Variants in CNTNAP2 observed in about 807,000 individuals in gnomAD.
CNTNAP2 encodes contactin-associated protein-like 2.
In CNTNAP2, 98 loss-of-function variants were observed where a neutral mutation model predicts 155.2. The ratio of observed to expected loss-of-function variants is 0.63; its 90% CI spans 0.54 to 0.75. The LOEUF is 0.75. CNTNAP2 is among the 30% of genes least tolerant of loss of function. CNTNAP2 has a pLI of 0.00. For synonymous variants in CNTNAP2, 651 were observed against 631.2 expected (o/e 1.03, Z -0.47); for missense variants, 1,727 against 1,688.1 (o/e 1.02, Z -0.40).
intron 21 of CNTNAP2, among the ~76,000 whole-genome samples, chr7:148,285,997 A>G (rs936617468): frequency 1.5e-4 from 23 of 152,270 alleles, no homozygotes; most frequent in African/African-American, 5.3e-4. Flanking sequence ...ATAATAAATT[A>G]AGCTAGAGAA....
At chr7:148,395,128 C>A (rs886971) in intron 22 of CNTNAP2, among the ~76,000 whole-genome samples, 1 of 143,158 alleles carries the variant, frequency 7.0e-6, no homozygotes, top group South Asian at 2.4e-4. Flanking sequence ...GACCCCCCCC[C>A]CTTATTGATT....
At chr7:146,384,116 C>T (rs988062497) in intron 1 of CNTNAP2, among the ~76,000 whole-genome samples, 1 of 152,130 alleles carries the variant, frequency 6.6e-6, no homozygotes, top group Non-Finnish European at 1.5e-5. Flanking sequence ...AAAGAAATTT[C>T]TGAAATTCAC....
chr7:146,186,836 A>G (rs1250293740), intron 1 of CNTNAP2, among the ~76,000 whole-genome samples: 1 of 152,102 alleles, frequency 6.6e-6, no homozygotes, highest in Non-Finnish European at 1.5e-5. Flanking sequence ...GAATGTTTTC[A>G]TGTGGTTCAT....
chr7:147,065,099 TAA>T (rs1282547195), intron 4 of CNTNAP2, among the ~76,000 whole-genome samples: 1 of 152,210 alleles, frequency 6.6e-6, no homozygotes, highest in African/African-American at 2.4e-5. Context: ...AAATCTACTG[TAA>T]TATAAAGCCC....
chr7:146,676,128 A>G (rs1273936852), intron 1 of CNTNAP2, among the ~76,000 whole-genome samples: 23 of 152,190 alleles, frequency 1.5e-4, no homozygotes, highest in Admixed American at 1.5e-3. Context: ...TTTTATGAGA[A>G]ACATTCTTCA....
chr7:148,388,193 T>C (rs970584975), intron 22 of CNTNAP2, among the ~76,000 whole-genome samples: 4 of 152,164 alleles, frequency 2.6e-5, no homozygotes, highest in Non-Finnish European at 5.9e-5. Flanking sequence ...GTGCACATTG[T>C]GCAGGTTAGT....
chr7:148,383,464 G>T (rs573126919), intron 21 of CNTNAP2, among the ~76,000 whole-genome samples, 185 bp from the exon 22 acceptor site: 6 of 152,054 alleles, frequency 3.9e-5, no homozygotes, highest in Non-Finnish European at 8.8e-5. Context: ...TTAACACAAG[G>T]TTCCTTTAAA....
intron 12 of CNTNAP2, among the ~76,000 whole-genome samples, chr7:147,616,060 A>AT (rs146390166): frequency 0.022 from 3,285 of 150,778 alleles, 115 homozygotes; most frequent in African/African-American, 0.076. Flanking sequence ...TCCTTGTTTC[A>AT]TTTTTTTTTC....
intron 4 of CNTNAP2, among the ~76,000 whole-genome samples, chr7:147,095,611 G>T (rs1800515003): frequency 6.6e-6 from 1 of 151,606 alleles, no homozygotes; most frequent in African/African-American, 2.4e-5. Context: ...GTCTTTCATT[G>T]TTTTTCTTGC....
chr7:148,283,771 A>G (rs1428695765), intron 21 of CNTNAP2, among the ~76,000 whole-genome samples: 2 of 152,196 alleles, frequency 1.3e-5, no homozygotes, highest in Non-Finnish European at 2.9e-5. Context: ...CTGTGGAGAA[A>G]ATACATCTGT....
intron 13 of CNTNAP2, among the ~76,000 whole-genome samples, chr7:147,691,287 T>C (rs1796082961): frequency 6.8e-6 from 1 of 147,578 alleles, no homozygotes; most frequent in African/African-American, 2.4e-5. Context: ...ATTATTAACA[T>C]TTTTTCCGTT....
intron 15 of CNTNAP2, among the ~76,000 whole-genome samples, chr7:148,028,932 T>C (rs1015135814): frequency 6.6e-5 from 10 of 152,204 alleles, no homozygotes; most frequent in African/African-American, 1.4e-4. Context: ...GAAATCATCA[T>C]AGTATGACAA....
intron 3 of CNTNAP2, among the ~76,000 whole-genome samples, chr7:147,028,867 T>G (rs1798972047): frequency 1.3e-5 from 2 of 151,996 alleles, no homozygotes; most frequent in South Asian, 4.1e-4. Flanking sequence ...CAGCATGACC[T>G]TTAATAATCC....
At chr7:147,547,869 T>A (rs1363812476) in intron 11 of CNTNAP2, among the ~76,000 whole-genome samples, 2 of 152,128 alleles carry the variant, frequency 1.3e-5, no homozygotes, top group African/African-American at 4.8e-5. Context: ...TTGGGTTTTC[T>A]TTTCCTGTGT....
intron 15 of CNTNAP2, among the ~76,000 whole-genome samples, chr7:148,095,853 T>G (rs564721798): frequency 1.3e-5 from 2 of 152,342 alleles, no homozygotes; most frequent in South Asian, 4.1e-4. Flanking sequence ...TCTCCCCTCC[T>G]GCCCAGAATT....
chr7:146,709,967 A>G (rs1010794237), intron 1 of CNTNAP2, among the ~76,000 whole-genome samples: 1 of 152,204 alleles, frequency 6.6e-6, no homozygotes, highest in African/African-American at 2.4e-5. Flanking sequence ...GAGAGACTCA[A>G]TGTTTTCACA....
At chr7:147,169,670 G>A (rs974287197) in intron 8 of CNTNAP2, among the ~76,000 whole-genome samples, 1 of 151,974 alleles carries the variant, frequency 6.6e-6, no homozygotes, top group Admixed American at 6.6e-5. Flanking sequence ...GAGGGAGGGA[G>A]GGAAATCTAG....
chr7:148,404,574 G>A (rs997363941), intron 22 of CNTNAP2, among the ~76,000 whole-genome samples: 7 of 152,178 alleles, frequency 4.6e-5, no homozygotes, highest in Non-Finnish European at 8.8e-5. Flanking sequence ...TGGGGTGAAC[G>A]CTTTTGGTCT....
chr7:146,864,467 A>G (rs1229456609), intron 3 of CNTNAP2, among the ~76,000 whole-genome samples: 1 of 152,168 alleles, frequency 6.6e-6, no homozygotes, highest in Non-Finnish European at 1.5e-5. Context: ...CTCACAGCTG[A>G]TGGATGCAGC....
Sources: allele counts gnomAD v4.1 joint callset (sites outside exome capture counted in the v4.1 genomes callset), GRCh38; gene constraint gnomAD v4.1.1; transcripts MANE v1.5; gene names NCBI Gene and HGNC (gene_info 2026-07-23, HGNC 2026-07-21).